The following PCCA variants were observed in gnomAD, a reference collection of about 807,000 sequenced individuals.
PCCA encodes the protein propionyl-CoA carboxylase alpha chain, mitochondrial.
A neutral mutation model predicts 101.3 loss-of-function variants in PCCA; 74 were observed. The ratio of observed to expected loss-of-function variants is 0.73; its 90% CI spans 0.61 to 0.89. The LOEUF (loss-of-function observed/expected upper bound fraction) is 0.89, where lower values mean the gene tolerates loss of function less well. Among genes scored for constraint, PCCA ranks in the 40% least tolerant of loss-of-function variants. The pLI, the probability that PCCA is intolerant of heterozygous loss-of-function variation, is 0.00. For synonymous variants in PCCA, 294 were observed against 313.6 expected, an observed-to-expected ratio of 0.94 and a Z score of 0.66; for missense variants, 891 against 907.0, an observed-to-expected ratio of 0.98 and a Z score of 0.23.
intron 18 of PCCA, among the ~76,000 whole-genome samples, chr13:100,366,947 A>G (rs547493252): frequency 3.9e-5 from 6 of 152,308 alleles, no homozygotes; most frequent in East Asian, 1.9e-4. Context: ...GATTAGAAGC[A>G]TAGTTTTTGT....
intron 4 of PCCA, among the ~76,000 whole-genome samples, chr13:100,145,287 T>G (rs1235392395): frequency 6.6e-6 from 1 of 152,176 alleles, no homozygotes; most frequent in Non-Finnish European, 1.5e-5. Flanking sequence ...GACTCTGTCA[T>G]GGGCGACTGT....
intron 21 of PCCA, chr13:100,491,648 A>T: frequency 1.5e-6 from 2 of 1,304,094 alleles, no homozygotes; most frequent in Non-Finnish European, 2.0e-6. Flanking sequence ...ACTTTTTTGT[A>T]GCCCTGGAGA....
At chr13:100,516,185 C>T (rs988209005) in intron 22 of PCCA, among the ~76,000 whole-genome samples, 1 of 152,196 alleles carries the variant, frequency 6.6e-6, no homozygotes, top group Non-Finnish European at 1.5e-5. Flanking sequence ...GGATAGAAAT[C>T]TCTACTGATG....
At chr13:100,438,478 C>G (rs1159099590) in intron 20 of PCCA, among the ~76,000 whole-genome samples, 1 of 152,158 alleles carries the variant, frequency 6.6e-6, no homozygotes, top group Non-Finnish European at 1.5e-5. Flanking sequence ...GCCCCAGTCT[C>G]GTGAATGCCT....
At chr13:100,282,088 T>G (rs2064166896) in intron 12 of PCCA, among the ~76,000 whole-genome samples, 1 of 152,266 alleles carries the variant, frequency 6.6e-6, no homozygotes, top group South Asian at 2.1e-4. Flanking sequence ...TTCATTTATA[T>G]TTCTGTGAAT....
intron 7 of PCCA, among the ~76,000 whole-genome samples, chr13:100,232,634 G>T (rs1032037888): frequency 2.6e-5 from 4 of 151,974 alleles, no homozygotes; most frequent in African/African-American, 9.7e-5. Flanking sequence ...TCCCATCTTG[G>T]CCTCCCAAAG....
At chr13:100,282,424 C>G (rs1483274656) in intron 12 of PCCA, among the ~76,000 whole-genome samples, 1 of 152,246 alleles carries the variant, frequency 6.6e-6, no homozygotes, top group Admixed American at 6.5e-5. Flanking sequence ...CCGGCTCTCT[C>G]AGCTTGCAGG....
At chr13:100,311,031 C>G (rs1226846018) in intron 16 of PCCA, among the ~76,000 whole-genome samples, 1 of 151,756 alleles carries the variant, frequency 6.6e-6, no homozygotes, top group Non-Finnish European at 1.5e-5. Flanking sequence ...GTCAGGAGTT[C>G]AAGACCAGCT....
chr13:100,181,538 G>A lies in PCCA; in HGVS notation c.468+24198G>A, dbSNP rs373053415. The stretch of plus-strand genomic sequence containing the variant: ...CCTGGGCTCAAGCAATCCTCCCACC[G>A]TAGCCTCCTGAGTAACTGGGACTAC... On this transcript the variant is annotated intron_variant, in intron 6 of 23. Transcript: ENST00000376285. Among the ~76,000 whole-genome samples the A allele has an allele frequency of 1.0e-3, 152 of 151,918 alleles. 4 individuals are homozygous for A. In the South Asian group the frequency reaches 0.028, roughly 28 times the overall value.
chr13:100,199,141 A>G (rs2058313080), intron 6 of PCCA, among the ~76,000 whole-genome samples: 1 of 152,076 alleles, frequency 6.6e-6, no homozygotes, highest in African/African-American at 2.4e-5. Context: ...TTAATGAACT[A>G]TTATAGGGCG....
intron 18 of PCCA, among the ~76,000 whole-genome samples, chr13:100,343,582 A>T (rs2071722204): frequency 1.3e-5 from 2 of 152,220 alleles, no homozygotes; most frequent in African/African-American, 4.8e-5. Flanking sequence ...AGTATAAAGA[A>T]CAAAAGAAAG....
In PCCA at chr13:100,516,732, A is replaced by G. The variant is rs1594104552; in HGVS notation, c.2040+1165A>G. 3.3e-5 allele frequency among the ~76,000 whole-genome samples: 3 copies of G among 90,848 alleles called. No homozygotes were observed. The South Asian group carries it at 1.6e-3, about 49-fold the overall frequency. The allele number at this position is 90,848 out of a possible 152,430, so 59.6% of individuals were successfully genotyped here. On this transcript the variant is annotated intron_variant, in intron 22 of 23. Coordinates refer to ENST00000376285, the MANE Select transcript of PCCA (RefSeq NM_000282.4). ...GGATTTGGGAGAGGCCATAAGAAAA[A>G]TTACGTGTGTGTGTGTGTGTGTGTG...
intron 4 of PCCA, chr13:100,150,563 C>G (rs529757277): frequency 2.4e-6 from 3 of 1,258,034 alleles, no homozygotes; most frequent in East Asian, 2.3e-5. Flanking sequence ...GTGGAACTTA[C>G]GGCCGTTTCC....
At chr13:100,254,420 G>C (rs1408349970) in intron 8 of PCCA, among the ~76,000 whole-genome samples, 1 of 152,218 alleles carries the variant, frequency 6.6e-6, no homozygotes, top group African/African-American at 2.4e-5. Flanking sequence ...GAAAATGTGA[G>C]AGAACATTAG....
At chr13:100,148,254 A>G (rs2052827573) in intron 4 of PCCA, among the ~76,000 whole-genome samples, 1 of 152,078 alleles carries the variant, frequency 6.6e-6, no homozygotes, top group Admixed American at 6.6e-5. Flanking sequence ...GTCATATCTC[A>G]GGTGTTTTTA....
intron 19 of PCCA, among the ~76,000 whole-genome samples, chr13:100,410,095 G>T (rs149785460): frequency 1.3e-5 from 2 of 152,080 alleles, no homozygotes; most frequent in African/African-American, 4.8e-5. Context: ...CAACAAACCC[G>T]TTTCTATGGC....
At chr13:100,111,573 A>G (rs927002147) in intron 2 of PCCA, among the ~76,000 whole-genome samples, 4 of 152,228 alleles carry the variant, frequency 2.6e-5, no homozygotes, top group African/African-American at 7.2e-5. Flanking sequence ...TAACAAAGTA[A>G]TTATAGAACC....
intron 8 of PCCA, among the ~76,000 whole-genome samples, chr13:100,253,113 T>C (rs16957255): frequency 0.024 from 3,643 of 152,316 alleles, 144 homozygotes; most frequent in African/African-American, 0.082. Flanking sequence ...CTCCGTGTTA[T>C]AGCAGTCATC....
At chr13:100,526,734 C>G (rs183262251) in intron 22 of PCCA, among the ~76,000 whole-genome samples, 122 of 152,388 alleles carry the variant, frequency 8.0e-4, no homozygotes, top group Non-Finnish European at 9.4e-4. Context: ...AGGACGCTGA[C>G]CCATCGGGGC....
Sources: allele counts gnomAD v4.1 joint callset (sites outside exome capture counted in the v4.1 genomes callset), GRCh38; gene constraint gnomAD v4.1.1; transcripts MANE v1.5; gene names NCBI Gene and HGNC (gene_info 2026-07-23, HGNC 2026-07-21).